NLRP11: variants seen among roughly 807,000 people sequenced by gnomAD.
NLRP11 encodes the protein NLR family pyrin domain containing 11.
NLRP11 carries 53 observed loss-of-function variants against 79.3 expected under a neutral mutation model. That is an observed-to-expected ratio of 0.67 (90% confidence interval 0.54 to 0.84). The LOEUF is 0.84. Ranked by LOEUF, NLRP11 falls within the 40% of genes least tolerant of loss-of-function variation. The pLI is 0.00. For missense variants in NLRP11, 1,264 were observed against 1,255.0 expected (o/e 1.01, Z -0.11); for synonymous variants, 518 against 462.6 (o/e 1.12, Z -1.54).
chr19:55,836,026 A>G (rs542658141), upstream of NLRP11, among the ~76,000 whole-genome samples: 33 of 152,340 alleles, frequency 2.2e-4, no homozygotes, highest in South Asian at 3.1e-3. Context: ...CAGCAGGCTG[A>G]GGCAGGAGAA....
chr19:55,824,050 C>A (rs1401535572), intron 1 of NLRP11, among the ~76,000 whole-genome samples: 1 of 106,882 alleles, frequency 9.4e-6, no homozygotes, highest in Non-Finnish European at 1.7e-5. Flanking sequence ...GCCCATCAGA[C>A]TAACAGCAGA....
intron 9 of NLRP11, among the ~76,000 whole-genome samples, chr19:55,788,220 G>T (rs2122702069): frequency 6.6e-6 from 1 of 152,240 alleles, no homozygotes; most frequent in Middle Eastern, 3.4e-3. Flanking sequence ...ACATCCAAAT[G>T]GAGGAAAGAA....
rs190851360 is a variant in NLRP11, at chr19:55,788,556, T to C, written c.2855+251A>G. Among the ~76,000 whole-genome samples, 11 of 151,504 alleles carry C rather than the reference T, an allele frequency of 7.3e-5. No individual in the cohort carries two copies. The East Asian group carries it at 9.8e-4, about 13-fold the overall frequency. On this transcript the variant is annotated intron_variant, in intron 9 of 9. Transcript: ENST00000589093. ...GAGATTGAGACCACCCTGGCCAACA[T>C]GGTGAAACCCCGTCTCTACTAAAAA...
chr19:55,833,765 CAAAAAA>C (rs71182919), upstream of NLRP11, among the ~76,000 whole-genome samples: 1 of 23,486 alleles, frequency 4.3e-5, no homozygotes. Context: ...GACTCCGTCT[CAAAAAA>C]AAAAAAAAAA....
intron 6 of NLRP11, 108 bp from the exon 7 acceptor site, chr19:55,792,579 T>C (rs1178273867): frequency 2.7e-6 from 2 of 751,868 alleles, no homozygotes; most frequent in Non-Finnish European, 4.5e-6. Context: ...CTACTGCCAT[T>C]GCCCCAAATC....
At chr19:55,818,085 C>T in exon 2 of NLRP11, 1 of 1,613,780 alleles carries the variant, frequency 6.2e-7, no homozygotes, top group Non-Finnish European at 8.5e-7. Context: ...TCTTGCGTGC[C>T]AGATACTTCT....
chr19:55,789,801 C>T (rs1023317736), intron 7 of NLRP11, among the ~76,000 whole-genome samples: 1 of 152,196 alleles, frequency 6.6e-6, no homozygotes, highest in Non-Finnish European at 1.5e-5. Flanking sequence ...AATCCAACAT[C>T]GAGAAGGGCT....
At chr19:55,797,356 G>A (rs933668388) in intron 5 of NLRP11, among the ~76,000 whole-genome samples, 3 of 152,166 alleles carry the variant, frequency 2.0e-5, no homozygotes, top group Admixed American at 6.5e-5. Context: ...CCAGATAGCT[G>A]CATGGTTTGC....
chr19:55,808,915 G>A, exon 3 of NLRP11: 3 of 1,614,086 alleles, frequency 1.9e-6, no homozygotes, highest in Non-Finnish European at 2.5e-6. Context: ...TAACCTCCAT[G>A]AGAGCATCCA....
At chr19:55,785,963 T>G in intron 9 of NLRP11, 92 bp from the exon 10 acceptor site, 1 of 1,338,912 alleles carries the variant, frequency 7.5e-7, no homozygotes, top group Non-Finnish European at 1.0e-6. Flanking sequence ...TGGCATCCTT[T>G]GGGTATTCTT....
chr19:55,830,520 C>G (rs1982646960), intron 1 of NLRP11, among the ~76,000 whole-genome samples: 1 of 146,996 alleles, frequency 6.8e-6, no homozygotes, highest in Admixed American at 7.0e-5. Flanking sequence ...TTAGGTGTTT[C>G]TGATTTCATA....
rs146995362 is a variant in NLRP11, at chr19:55,821,189, G to GCT, written c.-62-2955_-62-2954dup. Reference sequence around the variant, plus strand: ...TAGGGAGAGGATGCCTATGTGACCAGCTCTCTCTCTCTCTCTCACACACAC... The same window carrying GCT: ...TAGGGAGAGGATGCCTATGTGACCAGCTCTCTCTCTCTCTCTCTCACACACAC... On this transcript the variant is annotated intron_variant, in intron 1 of 9. Coordinates refer to ENST00000589093, the Ensembl canonical transcript of NLRP11. 2.0e-3 allele frequency among the ~76,000 whole-genome samples: 277 copies of GCT among 140,648 alleles called. 1 individual carries two copies. The highest frequency in any genetic ancestry group is 6.3e-3 in the African/African-American group (237 of 37,530). 92.3% of individuals were successfully genotyped at this position (140,648 alleles called of 152,430 possible).
chr19:55,785,492 G>GACAC lies in NLRP11; in HGVS notation c.*132_*133insGTGT, dbSNP rs1568623957. ...ATTTGAAGTGGTTGACTGGATCAAGGTCACACACACACACACACACACACA... is the reference window on the plus strand; with the variant it reads ...ATTTGAAGTGGTTGACTGGATCAAGGACACTCACACACACACACACACACACACA... On this transcript the variant is annotated 3_prime_UTR_variant, in exon 10 of 10. Coordinates refer to ENST00000589093, the Ensembl canonical transcript of NLRP11. 220 of 652,808 alleles carry GACAC rather than the reference G, an allele frequency of 3.4e-4. 2 individuals carry two copies. The highest frequency in any genetic ancestry group is 1.5e-3 in the African/African-American group (63 of 42,132). 40.4% of individuals were successfully genotyped at this position (652,808 alleles called of 1,614,324 possible).
At chr19:55,799,657 G>C (rs35516516) in intron 5 of NLRP11, among the ~76,000 whole-genome samples, 2,078 of 152,226 alleles carry the variant, frequency 0.014, 32 homozygotes, top group South Asian at 0.052. Flanking sequence ...TGCTGAGTGA[G>C]GTGGAAGGCA....
At chr19:55,828,408 A>C (rs1600206764) in intron 1 of NLRP11, among the ~76,000 whole-genome samples, 1 of 150,002 alleles carries the variant, frequency 6.7e-6, no homozygotes, top group South Asian at 2.1e-4. Flanking sequence ...CTAAAACTTA[A>C]AGTATAATAA....
At chr19:55,829,446 C>T (rs755536757) in intron 1 of NLRP11, among the ~76,000 whole-genome samples, 5 of 151,840 alleles carry the variant, frequency 3.3e-5, no homozygotes, top group Admixed American at 6.6e-5. Flanking sequence ...GGGCAGATCA[C>T]GAGGTCAGGA....
chr19:55,831,192 G>T (rs1413480594), intron 1 of NLRP11, among the ~76,000 whole-genome samples: 1 of 138,208 alleles, frequency 7.2e-6, no homozygotes, highest in Non-Finnish European at 1.5e-5. Context: ...ATTGACTATG[G>T]CAGGAAGGGA....
At chr19:55,801,667 T>C (rs773407242) in exon 5 of NLRP11, 2 of 1,613,668 alleles carry the variant, frequency 1.2e-6, no homozygotes, top group Non-Finnish European at 1.7e-6. Flanking sequence ...TACTCAGGTA[T>C]GTCAGGCTCC....
intron 2 of NLRP11, among the ~76,000 whole-genome samples, chr19:55,815,114 T>G (rs1980970250): frequency 7.2e-6 from 1 of 138,764 alleles, no homozygotes; most frequent in Non-Finnish European, 1.5e-5. Flanking sequence ...AAATTCAGGT[T>G]ACAAAAAAAA....
Sources: allele counts gnomAD v4.1 joint callset (sites outside exome capture counted in the v4.1 genomes callset), GRCh38; gene constraint gnomAD v4.1.1; transcripts MANE v1.5; gene names NCBI Gene and HGNC (gene_info 2026-07-23, HGNC 2026-07-21).